Variants in AKAP9 observed in about 807,000 individuals in gnomAD.
AKAP9 encodes the protein A-kinase anchor protein 9.
In AKAP9, 311 loss-of-function variants were observed where a neutral mutation model predicts 488.5. That is an observed-to-expected ratio of 0.64 (90% confidence interval 0.58 to 0.70). AKAP9 has a LOEUF of 0.70. Ranked by LOEUF, AKAP9 falls within the 30% of genes least tolerant of loss-of-function variation. The pLI is 0.00. For synonymous variants in AKAP9, 1,462 were observed against 1,483.5 expected, an observed-to-expected ratio of 0.99 and a Z score of 0.33; for missense variants, 4,215 against 4,374.5, an observed-to-expected ratio of 0.96 and a Z score of 1.03.
intron 20 of AKAP9, among the ~76,000 whole-genome samples, chr7:92,044,736 T>A (rs1584294329): frequency 6.6e-6 from 1 of 152,306 alleles, no homozygotes; most frequent in Admixed American, 6.5e-5. Flanking sequence ...AGTTATTTTT[T>A]TCAAGTCAAT....
Position 91,991,033 on chromosome 7 carries a change from C to G in AKAP9, c.352-1125C>G, listed in dbSNP as rs371134535. 2.4e-4 allele frequency among the ~76,000 whole-genome samples: 37 copies of G among 152,256 alleles called. 1 individual carries two copies. In the South Asian group the frequency reaches 7.5e-3, roughly 31 times the overall value. ...CATCTCATGTTCATTTAGTAGCTGT[C>G]TACCTTATCAGATCAAAAAACCATA... On this transcript the variant is annotated intron_variant, in intron 3 of 49. Coordinates refer to ENST00000356239, the MANE Select transcript of AKAP9 (RefSeq NM_005751.5).
intron 7 of AKAP9, among the ~76,000 whole-genome samples, chr7:91,996,355 C>A (rs1196067288): frequency 6.6e-6 from 1 of 152,070 alleles, no homozygotes; most frequent in Admixed American, 6.6e-5. Flanking sequence ...AACTACTCAT[C>A]CTGGAAGATT....
intron 14 of AKAP9, among the ~76,000 whole-genome samples, chr7:92,027,015 C>T (rs1157371345): frequency 3.6e-4 from 50 of 139,750 alleles, no homozygotes; most frequent in African/African-American, 1.2e-3. Flanking sequence ...CGCCTCTGCC[C>T]GGCTGCCCTG....
intron 2 of AKAP9, among the ~76,000 whole-genome samples, chr7:91,974,993 G>A (rs1165311156): frequency 2.0e-5 from 3 of 151,782 alleles, no homozygotes; most frequent in African/African-American, 7.3e-5. Flanking sequence ...TGGGACCACA[G>A]GTGCATGCTA....
rs551427063 is a variant in AKAP9, at chr7:91,941,025, G to A, written c.-75G>A. ...CCGTGGAGCTTGCCGTCCCACCTCC[G>A]TCCAAATCGACCTTTCCTTTCTATC... On this transcript the variant is annotated 5_prime_UTR_variant, in exon 1 of 50. Transcript: ENST00000356239. 1 of 1,479,126 alleles carries A rather than the reference G, an allele frequency of 6.8e-7. No homozygotes were observed. Among genetic ancestry groups the A allele is most frequent in the African/African-American group, 1.4e-5 (1 of 72,154 alleles). The allele number at this position is 1,479,126 out of a possible 1,614,324, so 91.6% of individuals were successfully genotyped here. A position where few individuals can be genotyped will look rare whatever the true frequency, so the allele number is the denominator to read the frequency against.
intron 16 of AKAP9, among the ~76,000 whole-genome samples, chr7:92,032,420 C>T (rs890484598): frequency 4.6e-5 from 7 of 150,660 alleles, no homozygotes; most frequent in Admixed American, 4.6e-4. Flanking sequence ...TGCTTGAACC[C>T]GGGAGGCAGA....
Position 92,031,617 on chromosome 7 carries a change from C to A in AKAP9, c.4338+13C>A. On this transcript the variant is annotated intron_variant, in intron 16 of 49. Transcript: ENST00000356239. ...AGAAGTAGCTAAGGTAGGCTTATAG[C>A]TTATCTGGAAGATTATCTTGGTTTA... 6.4e-7 allele frequency: 1 copy of A among 1,561,036 alleles called. No individual in the cohort carries two copies. The highest frequency in any genetic ancestry group is 8.8e-7 in the Non-Finnish European group (1 of 1,132,540).
intron 22 of AKAP9, chr7:92,058,240 C>T: frequency 1.7e-6 from 1 of 590,450 alleles, no homozygotes; most frequent in Non-Finnish European, 3.4e-6. Flanking sequence ...AAGATGAAGA[C>T]ATTTATGAGG....
At chr7:92,034,235 G>A (rs558766297) in intron 16 of AKAP9, among the ~76,000 whole-genome samples, 9 of 152,178 alleles carry the variant, frequency 5.9e-5, no homozygotes, top group African/African-American at 1.9e-4. Flanking sequence ...TTTAAGACAC[G>A]GTCAGGAGAC....
chr7:92,095,224 A>AG, intron 40 of AKAP9, 51 bp downstream of exon 40: 1 of 1,600,704 alleles, frequency 6.2e-7, no homozygotes, highest in Non-Finnish European at 8.6e-7. Context: ...ATGATAGAAG[A>AG]GGGTCTTAAG....
intron 2 of AKAP9, among the ~76,000 whole-genome samples, chr7:91,976,584 A>C (rs1447392538): frequency 5.9e-5 from 9 of 152,224 alleles, no homozygotes; most frequent in Non-Finnish European, 1.2e-4. Context: ...ACTTTAATAC[A>C]AAAACCATCA....
chr7:92,021,002 A>C (rs1490685703), intron 12 of AKAP9, among the ~76,000 whole-genome samples: 1 of 152,024 alleles, frequency 6.6e-6, no homozygotes, highest in Non-Finnish European at 1.5e-5. Context: ...TGTTATTTGG[A>C]TCTATCTTAT....
chr7:92,018,904 T>C (rs1467653233), intron 12 of AKAP9, among the ~76,000 whole-genome samples: 2 of 152,216 alleles, frequency 1.3e-5, no homozygotes, highest in African/African-American at 4.8e-5. Flanking sequence ...ATCAGCATAT[T>C]GAAATTTGAA....
At chr7:92,024,791 A>G (rs1802864716) in intron 14 of AKAP9, among the ~76,000 whole-genome samples, 1 of 152,200 alleles carries the variant, frequency 6.6e-6, no homozygotes, top group South Asian at 2.1e-4. Context: ...TAAAACCTCA[A>G]CACAGTTTTT....
At chr7:91,964,916 A>T (rs1794236666) in intron 1 of AKAP9, among the ~76,000 whole-genome samples, 1 of 152,156 alleles carries the variant, frequency 6.6e-6, no homozygotes, top group Non-Finnish European at 1.5e-5. Context: ...TTTTATTGTT[A>T]TGTAATGTAT....
chr7:92,069,158 A>G (rs536735902), intron 26 of AKAP9, among the ~76,000 whole-genome samples: 1 of 152,336 alleles, frequency 6.6e-6, no homozygotes, highest in East Asian at 1.9e-4. Context: ...GATGGAATGT[A>G]TAGATTGAAA....
chr7:92,104,174 C>G (rs1226685204), intron 46 of AKAP9, among the ~76,000 whole-genome samples: 1 of 141,610 alleles, frequency 7.1e-6, no homozygotes, highest in African/African-American at 2.7e-5. Flanking sequence ...TCTGATGCTG[C>G]TTTATTTATT....
chr7:92,100,274 T>A (rs761670699), intron 44 of AKAP9, among the ~76,000 whole-genome samples: 3 of 152,242 alleles, frequency 2.0e-5, no homozygotes, highest in Non-Finnish European at 4.4e-5. Context: ...TTAGTTATTG[T>A]GTTGATGACT....
Position 92,097,045 on chromosome 7 carries a change from G to A in AKAP9, c.10086G>A (p.Leu3362=). Reference sequence around the variant, plus strand: ...AAAAACACAGTCGCATAGTAGAATTGTTAAATGAGACTGAAAAATATAAAC... The same window carrying A: ...AAAAACACAGTCGCATAGTAGAATTATTAAATGAGACTGAAAAATATAAAC... The part of the protein sequence containing the change: ...LEEKHSRIVE[L]LNETEKYKLD... The change falls in exon 41 of 50, where the codon TTG becomes TTA. Residue 3362 remains leucine (L), a synonymous_variant. Coordinates refer to ENST00000356239, the MANE Select transcript of AKAP9 (RefSeq NM_005751.5). The A allele has an allele frequency of 6.2e-7, 1 of 1,614,232 alleles. No homozygotes were observed. The highest frequency in any genetic ancestry group is 8.5e-7 in the Non-Finnish European group (1 of 1,180,038).
Sources: allele counts gnomAD v4.1 joint callset (sites outside exome capture counted in the v4.1 genomes callset), GRCh38; gene constraint gnomAD v4.1.1; transcripts MANE v1.5; gene names NCBI Gene and HGNC (gene_info 2026-07-23, HGNC 2026-07-21).